Variants in ZNF521 observed in about 807,000 individuals in gnomAD.
ZNF521 encodes LYST-interacting protein 3.
ZNF521 carries 14 observed loss-of-function variants against 105.5 expected under a neutral mutation model. The ratio of observed to expected loss-of-function variants is 0.13; its 90% CI spans 0.09 to 0.21. The LOEUF is 0.21. Among genes scored for constraint, ZNF521 ranks in the 10% least tolerant of loss-of-function variants. The pLI is 1.00. For missense variants in ZNF521, 1,233 were observed against 1,629.7 expected, an observed-to-expected ratio of 0.76 and a Z score of 4.19; for synonymous variants, 635 against 606.0, an observed-to-expected ratio of 1.05 and a Z score of -0.70.
At chr18:25,143,059 C>A (rs78568287) in intron 5 of ZNF521, among the ~76,000 whole-genome samples, 2,074 of 152,226 alleles carry the variant, frequency 0.014, 47 homozygotes, top group African/African-American at 0.045. Context: ...ACACAGACTA[C>A]CATAACTAGA....
At chr18:25,242,767 G>C (rs1478575172) in intron 3 of ZNF521, among the ~76,000 whole-genome samples, 2 of 152,200 alleles carry the variant, frequency 1.3e-5, no homozygotes, top group East Asian at 3.9e-4. Flanking sequence ...CCAAAATGGA[G>C]AGAGTGGGAG....
intron 6 of ZNF521, among the ~76,000 whole-genome samples, chr18:25,090,598 G>A (rs1279523805): frequency 2.0e-5 from 3 of 152,124 alleles, no homozygotes; most frequent in Non-Finnish European, 2.9e-5. Flanking sequence ...CACAGAAAAT[G>A]CAGACTGTGC....
chr18:25,091,319 G>C (rs1328599967), intron 6 of ZNF521, among the ~76,000 whole-genome samples: 1 of 152,060 alleles, frequency 6.6e-6, no homozygotes, highest in African/African-American at 2.4e-5. Context: ...CTTCAAATGA[G>C]AGTTTCAGAT....
intron 5 of ZNF521, among the ~76,000 whole-genome samples, chr18:25,123,290 G>A (rs939276974): frequency 6.6e-6 from 1 of 151,854 alleles, no homozygotes; most frequent in African/African-American, 2.4e-5. Flanking sequence ...TTTTTCCATA[G>A]TCACAATGGC....
At chr18:25,110,145 CAG>C (rs1345738698) in intron 5 of ZNF521, among the ~76,000 whole-genome samples, 2 of 152,198 alleles carry the variant, frequency 1.3e-5, no homozygotes, top group African/African-American at 2.4e-5. Flanking sequence ...CAGGAGACAG[CAG>C]AGTTTTATCA....
At chr18:25,109,083 T>C (rs781277888) in intron 5 of ZNF521, among the ~76,000 whole-genome samples, 4 of 152,242 alleles carry the variant, frequency 2.6e-5, no homozygotes, top group South Asian at 2.1e-4. Flanking sequence ...CTGTACTCAA[T>C]AGGTATTTTT....
At chr18:25,351,224 A>T (rs1463311509) in intron 1 of ZNF521, 1 of 138,876 alleles carries the variant, frequency 7.2e-6, no homozygotes, top group Non-Finnish European at 1.6e-5. Context: ...AATCTCCAAG[A>T]AAAAAAAAAA....
intron 5 of ZNF521, among the ~76,000 whole-genome samples, chr18:25,155,896 A>C (rs1288259670): frequency 3.9e-5 from 6 of 152,196 alleles, no homozygotes; most frequent in Non-Finnish European, 8.8e-5. Flanking sequence ...AAAAATATTG[A>C]ATATTCTCAC....
intron 3 of ZNF521, among the ~76,000 whole-genome samples, chr18:25,234,036 C>T (rs1020997832): frequency 6.6e-6 from 1 of 152,174 alleles, no homozygotes; most frequent in East Asian, 1.9e-4. Context: ...AAAGAACAGT[C>T]ATCCTCTCTC....
At chr18:25,150,040 C>G (rs541183945) in intron 5 of ZNF521, among the ~76,000 whole-genome samples, 5 of 152,138 alleles carry the variant, frequency 3.3e-5, no homozygotes, top group Middle Eastern at 3.2e-3. Flanking sequence ...TTTGTACCCA[C>G]AATTAATGAA....
At chr18:25,173,488 C>G (rs2144566497) in intron 5 of ZNF521, among the ~76,000 whole-genome samples, 1 of 152,274 alleles carries the variant, frequency 6.6e-6, no homozygotes, top group East Asian at 1.9e-4. Flanking sequence ...TCCTTGTCAC[C>G]TGACTGTTTA....
At chr18:25,071,686 A>G (rs768160148) in intron 7 of ZNF521, among the ~76,000 whole-genome samples, 1 of 152,134 alleles carries the variant, frequency 6.6e-6, no homozygotes, top group Non-Finnish European at 1.5e-5. Flanking sequence ...TATAGATGAG[A>G]AAATTAAGTC....
At chr18:25,301,331 G>C (rs1169068370) in intron 3 of ZNF521, among the ~76,000 whole-genome samples, 1 of 152,190 alleles carries the variant, frequency 6.6e-6, no homozygotes, top group Non-Finnish European at 1.5e-5. Flanking sequence ...CCACTCAAAA[G>C]GCAGAGAAGT....
intron 2 of ZNF521, among the ~76,000 whole-genome samples, chr18:25,322,804 G>T (rs1426464467): frequency 2.0e-5 from 3 of 151,984 alleles, no homozygotes; most frequent in African/African-American, 7.3e-5. Context: ...TATGTCTCTT[G>T]TTTTCAAAAT....
rs915610284 is a variant in ZNF521 at position 25,062,223 on chromosome 18, C to T, written c.*489G>A. The T allele has an allele frequency of 9.3e-6, 2 of 215,456 alleles. No individual in the cohort carries two copies. Among genetic ancestry groups the T allele is most frequent in the Non-Finnish European group, 1.8e-5 (2 of 108,128 alleles). 13.3% of individuals were successfully genotyped at this position (215,456 alleles called of 1,614,324 possible). Reference sequence around the variant, plus strand: ...CCTTATCCAGCTGTGGGGTTCTGTTCTGTGAGAACATCTCTTCATGGTTTG... The same window carrying T: ...CCTTATCCAGCTGTGGGGTTCTGTTTTGTGAGAACATCTCTTCATGGTTTG... On this transcript the variant is annotated 3_prime_UTR_variant, in exon 8 of 8. Coordinates refer to ENST00000361524, the MANE Select transcript of ZNF521 (RefSeq NM_015461.3).
chr18:25,213,330 A>G (rs931399241), intron 4 of ZNF521, among the ~76,000 whole-genome samples: 7 of 151,354 alleles, frequency 4.6e-5, no homozygotes, highest in Non-Finnish European at 8.9e-5. Flanking sequence ...ATTCCCACCT[A>G]TTCTTAGTTT....
chr18:25,283,979 CG>C (rs1019748535), intron 3 of ZNF521, among the ~76,000 whole-genome samples: 3 of 141,858 alleles, frequency 2.1e-5, no homozygotes, highest in Non-Finnish European at 3.1e-5. Flanking sequence ...TTACACTAGA[CG>C]GCTGAGTTCT....
At chr18:25,218,483 A>T (rs1285527724) in intron 4 of ZNF521, among the ~76,000 whole-genome samples, 4 of 32,984 alleles carry the variant, frequency 1.2e-4, no homozygotes, top group Admixed American at 3.0e-4. Context: ...CGAGCCTACT[A>T]AAAAAAAAAA....
intron 5 of ZNF521, among the ~76,000 whole-genome samples, chr18:25,187,738 T>C (rs1356302907): frequency 1.3e-5 from 2 of 152,216 alleles, no homozygotes; most frequent in African/African-American, 2.4e-5. Flanking sequence ...GCTTAAAGAC[T>C]GCATTTAATT....
Sources: allele counts gnomAD v4.1 joint callset (sites outside exome capture counted in the v4.1 genomes callset), GRCh38; gene constraint gnomAD v4.1.1; transcripts MANE v1.5; gene names NCBI Gene and HGNC (gene_info 2026-07-23, HGNC 2026-07-21).